Variants in TSPAN18 observed in about 807,000 individuals in gnomAD.
The protein encoded by TSPAN18 is tetraspanin 18.
A neutral mutation model predicts 27.3 loss-of-function variants in TSPAN18; 14 were observed. That is an observed-to-expected ratio of 0.51 (90% confidence interval 0.34 to 0.80). The LOEUF (loss-of-function observed/expected upper bound fraction) is 0.80. TSPAN18 is among the 30% of genes least tolerant of loss of function. The pLI, the probability that TSPAN18 is intolerant of heterozygous loss-of-function variation, is 0.01. For synonymous variants in TSPAN18, 143 were observed against 136.5 expected (o/e 1.05, Z -0.33); for missense variants, 268 against 323.9 (o/e 0.83, Z 1.32).
At chr11:44,850,411 G>A (rs1328540898) in intron 2 of TSPAN18, among the ~76,000 whole-genome samples, 1 of 152,104 alleles carries the variant, frequency 6.6e-6, no homozygotes, top group Non-Finnish European at 1.5e-5. Context: ...GGAGGGACTC[G>A]CATGATCCCA....
rs908195019 is a variant in TSPAN18 at position 44,857,629 on chromosome 11, C to T, written c.-152-2699C>T. 7.2e-4 allele frequency among the ~76,000 whole-genome samples: 110 copies of T among 152,290 alleles called. No homozygotes were observed. The Middle Eastern group carries it at 0.014, about 19-fold the overall frequency. On this transcript the variant is annotated intron_variant, in intron 2 of 9. Transcript: ENST00000520358. ...GAGTGTGGGATCAGAAGACAGGTGA[C>T]GTGGGCCAGGCCTGGCTCACAGCCC...
chr11:44,807,530 A>G (rs1233525026), intron 2 of TSPAN18, among the ~76,000 whole-genome samples: 872 of 59,966 alleles, frequency 0.015, 4 homozygotes, highest in Non-Finnish European at 0.025. Flanking sequence ...TCCATCTCAA[A>G]AAAAAAAAAA....
chr11:44,764,294 G>C (rs999828719), intron 1 of TSPAN18, 132 bp from the exon 2 acceptor site: 2 of 152,224 alleles, frequency 1.3e-5, no homozygotes, highest in Admixed American at 1.3e-4. Flanking sequence ...TGGGTGCCCC[G>C]TCTGGCTTCT....
intron 3 of TSPAN18, among the ~76,000 whole-genome samples, chr11:44,888,652 C>A (rs1191609924): frequency 6.6e-6 from 1 of 152,144 alleles, no homozygotes; most frequent in East Asian, 1.9e-4. Flanking sequence ...AGGTTGGAAG[C>A]CTTGGCTACA....
intron 4 of TSPAN18, 61 bp from the exon 5 acceptor site, chr11:44,909,644 G>A: frequency 6.5e-7 from 1 of 1,547,310 alleles, no homozygotes; most frequent in Non-Finnish European, 8.7e-7. Context: ...TGGTGGGTCA[G>A]AAGTGCCTAA....
At chr11:44,851,339 C>T (rs1565176909) in intron 2 of TSPAN18, among the ~76,000 whole-genome samples, 1 of 152,308 alleles carries the variant, frequency 6.6e-6, no homozygotes, top group South Asian at 2.1e-4. Flanking sequence ...CATCCCCTGA[C>T]CACCCAGAGG....
chr11:44,915,093 G>A lies in TSPAN18; in HGVS notation c.259-2879G>A, dbSNP rs745597642. Among the ~76,000 whole-genome samples, 7 of 152,340 alleles carry A rather than the reference G, an allele frequency of 4.6e-5. No individual in the cohort carries two copies. The East Asian group carries it at 5.8e-4, about 13-fold the overall frequency. The stretch of plus-strand genomic sequence containing the variant: ...TCCATTATTTATCACTGTCCAGGCC[G>A]AGGCTGGTGGGCACGCCAGCTCCAG... On this transcript the variant is annotated intron_variant, in intron 5 of 9. Transcript: ENST00000520358.
intron 2 of TSPAN18, among the ~76,000 whole-genome samples, chr11:44,782,962 G>A (rs965534281): frequency 6.6e-6 from 1 of 152,058 alleles, no homozygotes; most frequent in Non-Finnish European, 1.5e-5. Flanking sequence ...CCAAGTAGCT[G>A]GGATTACAGG....
At chr11:44,771,033 G>A (rs1002149874) in intron 2 of TSPAN18, among the ~76,000 whole-genome samples, 1 of 152,156 alleles carries the variant, frequency 6.6e-6, no homozygotes, top group African/African-American at 2.4e-5. Context: ...TGGGGTTCAG[G>A]GGTGAGGGTG....
intron 2 of TSPAN18, among the ~76,000 whole-genome samples, chr11:44,817,497 C>G (rs1234685567): frequency 6.6e-6 from 1 of 152,204 alleles, no homozygotes; most frequent in Non-Finnish European, 1.5e-5. Context: ...GTGGTCAGCT[C>G]TACGTGTGTT....
Position 44,810,209 on chromosome 11 carries a change from A to C in TSPAN18, c.-153+45697A>C, listed in dbSNP as rs569573741. Among the ~76,000 whole-genome samples, 13 of 152,326 alleles carry C rather than the reference A, an allele frequency of 8.5e-5. No homozygotes were observed. The East Asian group carries it at 2.3e-3, about 27-fold the overall frequency. ...CAATTCAGTGGCATTCAGCTCATTC[A>C]TAGTGTCCTGTAGCCACCACCTCCG... On this transcript the variant is annotated intron_variant, in intron 2 of 9. Transcript: ENST00000520358.
chr11:44,908,024 C>T (rs1369847306), intron 4 of TSPAN18, among the ~76,000 whole-genome samples: 1 of 142,662 alleles, frequency 7.0e-6, no homozygotes, highest in African/African-American at 2.6e-5. Context: ...CACTGCACTC[C>T]AGCCTGGGCA....
chr11:44,816,762 G>A (rs835824), intron 2 of TSPAN18, among the ~76,000 whole-genome samples: 139,346 of 152,304 alleles, frequency 0.91, 64,123 homozygotes, highest in East Asian at 1. Context: ...TCCTGGGGGA[G>A]TCTGCTCCCA....
At chr11:44,899,713 C>T (rs1406802698) in intron 3 of TSPAN18, among the ~76,000 whole-genome samples, 3 of 152,234 alleles carry the variant, frequency 2.0e-5, no homozygotes, top group African/African-American at 7.2e-5. Flanking sequence ...TTCCTGTCCC[C>T]ATTTTGCAGG....
chr11:44,828,079 T>C (rs1857081141), intron 2 of TSPAN18, among the ~76,000 whole-genome samples: 1 of 152,154 alleles, frequency 6.6e-6, no homozygotes, highest in East Asian at 1.9e-4. Flanking sequence ...GTTATCATTA[T>C]TATGTTGAGG....
intron 1 of TSPAN18, among the ~76,000 whole-genome samples, chr11:44,730,512 A>G (rs1201454648): frequency 6.6e-6 from 1 of 151,624 alleles, no homozygotes; most frequent in African/African-American, 2.4e-5. Context: ...CGTTTCTACC[A>G]CCTGATGCCA....
intron 3 of TSPAN18, among the ~76,000 whole-genome samples, chr11:44,898,026 C>A (rs1344337739): frequency 6.6e-6 from 1 of 152,322 alleles, no homozygotes; most frequent in East Asian, 1.9e-4. Flanking sequence ...TCTTTTCCCA[C>A]TATACATTCA....
At chr11:44,909,981 G>A (rs1234705240) in intron 5 of TSPAN18, 82 bp downstream of exon 5, 6 of 1,491,688 alleles carry the variant, frequency 4.0e-6, no homozygotes, top group Non-Finnish European at 5.4e-6. Flanking sequence ...GCCCTGCCTG[G>A]CTTCCATTCA....
chr11:44,831,674 A>G (rs560905504), intron 2 of TSPAN18, among the ~76,000 whole-genome samples: 9 of 152,306 alleles, frequency 5.9e-5, no homozygotes, highest in South Asian at 4.1e-4. Flanking sequence ...TCCAGTATGC[A>G]CTGGCATTCT....
Sources: gnomAD v4.1 joint callset for allele counts (sites outside exome capture counted in the v4.1 genomes callset) on GRCh38, gnomAD v4.1.1 for gene constraint, MANE v1.5 for transcripts, NCBI Gene and HGNC (gene_info 2026-07-23, HGNC 2026-07-21) for gene names.